The following TRIP12 variants were observed in gnomAD, a reference collection of about 807,000 sequenced individuals.
TRIP12 encodes the protein thyroid hormone receptor interactor 12.
TRIP12 carries 25 observed loss-of-function variants against 244.2 expected under a neutral mutation model. That is an observed-to-expected ratio of 0.10 (90% CI 0.07 to 0.14). The LOEUF is 0.14. Among genes scored for constraint, TRIP12 ranks in the 10% least tolerant of loss-of-function variants. TRIP12 has a pLI of 1.00. For synonymous variants in TRIP12, 905 were observed against 873.1 expected (o/e 1.04, Z -0.64); for missense variants, 1,677 against 2,486.4 (o/e 0.67, Z 6.92).
At position 229,820,542 on chromosome 2, in the gene TRIP12, AAT is replaced by A. The variant is rs1282931002; in HGVS notation, c.1451-2032_1451-2031del. Among the ~76,000 whole-genome samples the A allele has an allele frequency of 8.5e-5, 13 of 152,324 alleles. No individual in the cohort carries two copies. The East Asian group carries it at 1.2e-3, about 14-fold the overall frequency. ...GGGTTATATTTATTGATAATTTTAAAATATGTTAATTGAAATACAAAAATTTT... is the reference window on the plus strand; with the variant it reads ...GGGTTATATTTATTGATAATTTTAAAATGTTAATTGAAATACAAAAATTTT... On this transcript the variant is annotated intron_variant, in intron 8 of 41. Transcript: ENST00000675903.
At chr2:229,803,779 T>C in intron 19 of TRIP12, 90 bp from the exon 20 acceptor site, 1 of 1,008,202 alleles carries the variant, frequency 9.9e-7, no homozygotes, top group Non-Finnish European at 1.5e-6. Flanking sequence ...GCAAAGCATT[T>C]TCATTGTGAA....
chr2:229,872,038 A>G (rs1358798766), intron 2 of TRIP12, among the ~76,000 whole-genome samples: 2 of 149,918 alleles, frequency 1.3e-5, no homozygotes, highest in Non-Finnish European at 1.5e-5. Flanking sequence ...CATAATTGAT[A>G]TATCTACATA....
intron 3 of TRIP12, 58 bp from the exon 4 acceptor site, chr2:229,859,632 A>G (rs2060148845): frequency 2.6e-6 from 4 of 1,510,068 alleles, no homozygotes; most frequent in Admixed American, 2.1e-5. Flanking sequence ...CAACTGTCAT[A>G]TATAATGCTT....
intron 32 of TRIP12, 109 bp from the exon 33 acceptor site, chr2:229,787,770 G>T: frequency 9.6e-7 from 1 of 1,041,356 alleles, no homozygotes; most frequent in Non-Finnish European, 1.3e-6. Context: ...ATAGAAAATT[G>T]TAAATAAAAT....
intron 6 of TRIP12, among the ~76,000 whole-genome samples, chr2:229,831,660 G>C (rs1211788551): frequency 6.6e-6 from 1 of 152,038 alleles, no homozygotes; most frequent in African/African-American, 2.4e-5. Context: ...TGAAAGACAG[G>C]GCAACTAAAG....
chr2:229,783,938 C>T (rs563788508), intron 34 of TRIP12, among the ~76,000 whole-genome samples: 2 of 151,876 alleles, frequency 1.3e-5, no homozygotes, highest in East Asian at 3.9e-4. Context: ...TGCAGAAACC[C>T]TGTCTCTACT....
intron 23 of TRIP12, 65 bp downstream of exon 23, chr2:229,798,810 C>A: frequency 1.3e-6 from 2 of 1,557,110 alleles, no homozygotes; most frequent in East Asian, 2.2e-5. Flanking sequence ...AACGTACTGG[C>A]TGAAATAATG....
At chr2:229,792,925 C>T in intron 27 of TRIP12, 48 bp downstream of exon 27, 1 of 1,541,980 alleles carries the variant, frequency 6.5e-7, no homozygotes, top group Non-Finnish European at 8.8e-7. Flanking sequence ...ATGTAAATTT[C>T]TCCCAAATAT....
At chr2:229,811,343 T>C in intron 13 of TRIP12, 139 bp from the exon 14 acceptor site, 4 of 832,158 alleles carry the variant, frequency 4.8e-6, no homozygotes, top group East Asian at 2.7e-5. Flanking sequence ...AAAATGCAAA[T>C]GGGCCTAAGC....
chr2:229,883,378 C>A (rs1374222748), intron 1 of TRIP12, among the ~76,000 whole-genome samples: 1 of 152,218 alleles, frequency 6.6e-6, no homozygotes, highest in Non-Finnish European at 1.5e-5. Context: ...TGACCAATTA[C>A]TTATGTCTAC....
chr2:229,826,443 T>C (rs534790361), intron 8 of TRIP12, among the ~76,000 whole-genome samples: 1 of 152,360 alleles, frequency 6.6e-6, no homozygotes, highest in South Asian at 2.1e-4. Context: ...ATTGGGTATC[T>C]ATTATTAAGA....
At chr2:229,901,025 C>G (rs975407900) in intron 1 of TRIP12, among the ~76,000 whole-genome samples, 1 of 151,142 alleles carries the variant, frequency 6.6e-6, no homozygotes, top group Non-Finnish European at 1.5e-5. Context: ...CCTCCGTCTC[C>G]CGGGCTCAAG....
At chr2:229,917,351 ACCC>A (rs1429391877) in intron 1 of TRIP12, among the ~76,000 whole-genome samples, 1 of 121,740 alleles carries the variant, frequency 8.2e-6, no homozygotes, top group Non-Finnish European at 1.6e-5. Context: ...ATTGCACTCC[ACCC>A]TGGGCAACAG....
At chr2:229,797,281 G>A (rs1481456028) in intron 24 of TRIP12, among the ~76,000 whole-genome samples, 1 of 152,114 alleles carries the variant, frequency 6.6e-6, no homozygotes, top group Non-Finnish European at 1.5e-5. Flanking sequence ...AGAACCAGAT[G>A]AAACGTAAAA....
At chr2:229,872,558 T>C (rs978910439) in intron 2 of TRIP12, among the ~76,000 whole-genome samples, 2 of 151,990 alleles carry the variant, frequency 1.3e-5, no homozygotes, top group African/African-American at 4.8e-5. Context: ...AGCAAGACTC[T>C]GTCTCCAAAA....
At chr2:229,839,167 T>A (rs1169991342) in intron 5 of TRIP12, among the ~76,000 whole-genome samples, 1 of 152,190 alleles carries the variant, frequency 6.6e-6, no homozygotes, top group Non-Finnish European at 1.5e-5. Flanking sequence ...TTTAGATATG[T>A]TTAGATGCAT....
In TRIP12 at chr2:229,882,633, T is replaced by TA. The variant is rs1308101420; in HGVS notation, c.-49-2506dup. Among the ~76,000 whole-genome samples, 4 of 152,336 alleles carry TA rather than the reference T, an allele frequency of 2.6e-5. No individual in the cohort carries two copies. In the East Asian group the frequency reaches 5.8e-4, roughly 22 times the overall value. On this transcript the variant is annotated intron_variant, in intron 1 of 41. Transcript: ENST00000675903. ...CCTGGACCCAAACAGCAAGGACAGA[T>TA]ACAAGAGAATAGGATGATACTGCTG...
chr2:229,809,022 GA>G (rs1411490230), intron 15 of TRIP12, among the ~76,000 whole-genome samples: 2 of 152,198 alleles, frequency 1.3e-5, no homozygotes, highest in African/African-American at 2.4e-5. Context: ...AAGGAAAGCT[GA>G]AACCTAAAGA....
intron 4 of TRIP12, among the ~76,000 whole-genome samples, chr2:229,848,675 C>T (rs1004996931): frequency 1.3e-5 from 2 of 152,148 alleles, no homozygotes; most frequent in African/African-American, 4.8e-5. Context: ...TAGGACTATG[C>T]TGGTTTTAGA....
Sources: gnomAD v4.1 joint callset for allele counts (sites outside exome capture counted in the v4.1 genomes callset) on GRCh38, gnomAD v4.1.1 for gene constraint, MANE v1.5 for transcripts, NCBI Gene and HGNC (gene_info 2026-07-23, HGNC 2026-07-21) for gene names.